ZNF600: variants seen among roughly 807,000 people sequenced by gnomAD.
ZNF600 encodes the protein zinc finger protein 600, also known as zinc finger protein KR-ZNF1.
ZNF600 carries 4 observed loss-of-function variants against 7.3 expected under a neutral mutation model. That is an observed-to-expected ratio of 0.55 (90% CI 0.27 to 1.25). The LOEUF is 1.25. Among genes scored for constraint, ZNF600 ranks in the 50% most tolerant of loss-of-function variants. The pLI is 0.12. For synonymous variants in ZNF600, 290 were observed against 308.9 expected (o/e 0.94, Z 0.64); for missense variants, 911 against 922.1 (o/e 0.99, Z 0.16).
At chr19:52,821,468 C>G in the ZNF600 span, 3 of 152,260 alleles carry the variant, frequency 2.0e-5, no homozygotes, top group African/African-American at 4.8e-5. Flanking sequence ...TCTCCATTTG[C>G]TCTGAGTGAA....
the ZNF600 span, chr19:52,821,728 C>A: frequency 1.3e-5 from 2 of 152,100 alleles, no homozygotes; most frequent in Non-Finnish European, 2.9e-5. Flanking sequence ...GGGCGCGAAG[C>A]GGCGAGACCT....
upstream of ZNF600, among the ~76,000 whole-genome samples, chr19:52,789,149 G>C (rs1044529825): frequency 1.3e-5 from 2 of 152,218 alleles, no homozygotes; most frequent in African/African-American, 4.8e-5. Context: ...TCAGAACAAA[G>C]ACTTAGGGAA....
intron 3 of ZNF600, among the ~76,000 whole-genome samples, chr19:52,773,762 C>T (rs2147519608): frequency 6.6e-6 from 1 of 152,112 alleles, no homozygotes; most frequent in Non-Finnish European, 1.5e-5. Context: ...ATCCCAGCTA[C>T]TCAGAAGGCT....
chr19:52,825,215 C>G, the ZNF600 span, among the ~76,000 whole-genome samples: 1 of 152,122 alleles, frequency 6.6e-6, no homozygotes, highest in Non-Finnish European at 1.5e-5. Context: ...TCAGCACACT[C>G]ACAGGCAGCC....
At chr19:52,777,232 A>G (rs556853017) in intron 2 of ZNF600, among the ~76,000 whole-genome samples, 2 of 151,558 alleles carry the variant, frequency 1.3e-5, no homozygotes, top group African/African-American at 4.8e-5. Flanking sequence ...CAAAAAATTA[A>G]ACAGGCGAGG....
At chr19:52,823,491 C>T in the ZNF600 span, among the ~76,000 whole-genome samples, 1 of 152,176 alleles carries the variant, frequency 6.6e-6, no homozygotes, top group Non-Finnish European at 1.5e-5. Context: ...GCTGAGACTA[C>T]AGGCGTGCGC....
intron 1 of ZNF600, among the ~76,000 whole-genome samples, chr19:52,783,961 C>A (rs1047690476): frequency 1.3e-5 from 2 of 152,124 alleles, no homozygotes; most frequent in African/African-American, 2.4e-5. Context: ...GTAATCCCAG[C>A]TACTCGGGGG....
the ZNF600 span, among the ~76,000 whole-genome samples, chr19:52,815,130 A>G: frequency 6.9e-6 from 1 of 144,594 alleles, no homozygotes. Context: ...TTTTTAAAAT[A>G]TAAAAAGTAG....
At chr19:52,794,012 G>T in the ZNF600 span, among the ~76,000 whole-genome samples, 1 of 152,144 alleles carries the variant, frequency 6.6e-6, no homozygotes, top group South Asian at 2.1e-4. Context: ...GTGTTTGGGG[G>T]TTTAGGAAGT....
At chr19:52,788,669 G>A (rs974625922), upstream of ZNF600, among the ~76,000 whole-genome samples, 6 of 152,214 alleles carry the variant, frequency 3.9e-5, no homozygotes, top group African/African-American at 7.2e-5. Context: ...GATCTTCAGG[G>A]CACAGATCTG....
At chr19:52,766,521 T>A in exon 4 of ZNF600, 5 of 1,614,098 alleles carry the variant, frequency 3.1e-6, no homozygotes, top group Middle Eastern at 1.7e-4. Flanking sequence ...CTTGTAAGGT[T>A]TTCCTCCACT....
At chr19:52,810,797 G>A in the ZNF600 span, 1 of 433,322 alleles carries the variant, frequency 2.3e-6, no homozygotes, top group Non-Finnish European at 4.0e-6. Flanking sequence ...AACAGAAGAT[G>A]ACCTTGATGG....
At chr19:52,766,981 A>G (rs201843998) in exon 4 of ZNF600, 1 of 1,614,122 alleles carries the variant, frequency 6.2e-7, no homozygotes, top group Non-Finnish European at 8.5e-7. Flanking sequence ...ACAAGGGCTG[A>G]ATTTTGACCA....
At chr19:52,784,342 G>T (rs2062747576) in intron 1 of ZNF600, among the ~76,000 whole-genome samples, 1 of 152,228 alleles carries the variant, frequency 6.6e-6, no homozygotes, top group Non-Finnish European at 1.5e-5. Context: ...GGAGGTCGAG[G>T]CTGCAGTTAG....
upstream of ZNF600, among the ~76,000 whole-genome samples, chr19:52,788,484 C>T (rs930307155): frequency 7.9e-5 from 12 of 152,106 alleles, no homozygotes; most frequent in African/African-American, 2.9e-4. Flanking sequence ...TGTGACAAAA[C>T]ACACACACAG....
chr19:52,783,776 CTTT>C (rs920100123), intron 1 of ZNF600, among the ~76,000 whole-genome samples: 3 of 152,056 alleles, frequency 2.0e-5, no homozygotes, highest in Non-Finnish European at 2.9e-5. Flanking sequence ...TTGCTCCATT[CTTT>C]TTTGTTTTTT....
intron 3 of ZNF600, among the ~76,000 whole-genome samples, chr19:52,771,805 G>T (rs977550696): frequency 1.3e-5 from 2 of 152,098 alleles, no homozygotes; most frequent in African/African-American, 4.8e-5. Context: ...TAGATTCAAG[G>T]TTTCATTATG....
intron 1 of ZNF600, among the ~76,000 whole-genome samples, chr19:52,780,335 T>A (rs2062710071): frequency 6.6e-6 from 1 of 151,994 alleles, no homozygotes; most frequent in Non-Finnish European, 1.5e-5. Context: ...GAAGATGATA[T>A]CAGAACAAGG....
chr19:52,772,934 T>C (rs1471413210), intron 3 of ZNF600, among the ~76,000 whole-genome samples: 3 of 152,256 alleles, frequency 2.0e-5, no homozygotes, highest in Non-Finnish European at 4.4e-5. Context: ...TCATGGATCA[T>C]GTGCTGAGTC....
Sources: gnomAD v4.1 joint callset for allele counts (sites outside exome capture counted in the v4.1 genomes callset) on GRCh38, gnomAD v4.1.1 for gene constraint, MANE v1.5 for transcripts, NCBI Gene and HGNC (gene_info 2026-07-23, HGNC 2026-07-21) for gene names.